FXR1: variants seen among roughly 807,000 people sequenced by gnomAD.
FXR1 encodes RNA-binding protein FXR1.
In FXR1, 15 loss-of-function variants were observed where a neutral mutation model predicts 84.0. The ratio of observed to expected loss-of-function variants is 0.18; its 90% CI spans 0.12 to 0.27. The LOEUF (loss-of-function observed/expected upper bound fraction) is 0.27, where lower values mean the gene tolerates loss of function less well. FXR1 is among the 10% of genes least tolerant of loss of function. FXR1 has a pLI of 1.00. For synonymous variants in FXR1, 245 were observed against 250.7 expected (o/e 0.98, Z 0.21); for missense variants, 480 against 774.4 (o/e 0.62, Z 4.51).
chr3:180,925,235 C>T (rs1719030968), intron 1 of FXR1, among the ~76,000 whole-genome samples: 1 of 152,006 alleles, frequency 6.6e-6, no homozygotes, highest in African/African-American at 2.4e-5. Flanking sequence ...GTGGCACGTG[C>T]CTCTAGTCCC....
intron 1 of FXR1, among the ~76,000 whole-genome samples, chr3:180,918,282 G>C (rs564993408): frequency 3.9e-5 from 6 of 152,122 alleles, no homozygotes; most frequent in Non-Finnish European, 8.8e-5. Context: ...CAAGAACTCT[G>C]TGAGGTTGGT....
At chr3:180,927,332 TTAAAATGAGTGCTCTTA>T (rs1300250021) in intron 1 of FXR1, among the ~76,000 whole-genome samples, 3 of 152,088 alleles carry the variant, frequency 2.0e-5, no homozygotes, top group Admixed American at 6.6e-5. Context: ...CTTTCCTTCT[TTAAAATGAGTGCTCTTA>T]TAAAATGAGT....
intron 9 of FXR1, among the ~76,000 whole-genome samples, chr3:180,955,507 A>G (rs1722664523): frequency 6.6e-6 from 1 of 152,172 alleles, no homozygotes; most frequent in Non-Finnish European, 1.5e-5. Flanking sequence ...CAATGTTATC[A>G]AATGTTTATC....
intron 3 of FXR1, among the ~76,000 whole-genome samples, chr3:180,942,002 G>GA (rs1276590650): frequency 6.6e-6 from 1 of 151,972 alleles, no homozygotes; most frequent in Non-Finnish European, 1.5e-5. Context: ...AATTTCTTTG[G>GA]AAAAATGGAA....
chr3:180,940,120 A>G (rs1720960391), intron 3 of FXR1, among the ~76,000 whole-genome samples: 1 of 152,240 alleles, frequency 6.6e-6, no homozygotes, highest in African/African-American at 2.4e-5. Flanking sequence ...AAGACAACAT[A>G]TGATTTATAG....
At chr3:180,944,001 C>G (rs1721419293) in intron 3 of FXR1, among the ~76,000 whole-genome samples, 3 of 152,022 alleles carry the variant, frequency 2.0e-5, no homozygotes, top group Admixed American at 2.0e-4. Flanking sequence ...ACCGCAGCCT[C>G]CGCCTCCCAG....
At chr3:180,929,547 T>A (rs542339420) in intron 1 of FXR1, among the ~76,000 whole-genome samples, 2 of 152,088 alleles carry the variant, frequency 1.3e-5, no homozygotes, top group East Asian at 3.9e-4. Context: ...CTGAGCCAGG[T>A]GGGTGTGAAT....
intron 9 of FXR1, among the ~76,000 whole-genome samples, chr3:180,954,987 A>ATTT (rs35677270): frequency 6.0e-4 from 79 of 132,690 alleles, no homozygotes; most frequent in Middle Eastern, 4.2e-3. Flanking sequence ...GTAAAAATAA[A>ATTT]TTTTTTTTTT....
At chr3:180,975,770 A>T (rs1250745698) in intron 16 of FXR1, among the ~76,000 whole-genome samples, 1 of 152,144 alleles carries the variant, frequency 6.6e-6, no homozygotes, top group Admixed American at 6.5e-5. Flanking sequence ...TGTAAATGTG[A>T]TTTCTCAAAA....
chr3:180,916,698 C>T (rs1189093681), intron 1 of FXR1, among the ~76,000 whole-genome samples: 4 of 152,158 alleles, frequency 2.6e-5, no homozygotes, highest in South Asian at 4.1e-4. Context: ...TGAGCCACCA[C>T]GCCCGACCAT....
At chr3:180,957,720 T>C in intron 9 of FXR1, 99 bp from the exon 10 acceptor site, 1 of 604,234 alleles carries the variant, frequency 1.7e-6, no homozygotes, top group Non-Finnish European at 3.0e-6. Context: ...ACTTGATGGT[T>C]GTAATTTAGT....
At chr3:180,976,072 C>G (rs371309803) in intron 16 of FXR1, 50 bp from the exon 17 acceptor site, 36 of 1,455,868 alleles carry the variant, frequency 2.5e-5, no homozygotes, top group Non-Finnish European at 3.4e-5. Flanking sequence ...TCCTCCTCAG[C>G]TATAGATTTC....
chr3:180,949,395 T>G (rs1378419739), intron 7 of FXR1, 52 bp downstream of exon 7: 3 of 913,970 alleles, frequency 3.3e-6, no homozygotes, highest in Non-Finnish European at 5.5e-6. Context: ...TAGTTTTTGT[T>G]TGTTTTTTGG....
intron 1 of FXR1, 70 bp from the exon 2 acceptor site, chr3:180,933,264 C>G (rs1471213371): frequency 1.1e-6 from 1 of 885,062 alleles, no homozygotes; most frequent in Non-Finnish European, 1.9e-6. Flanking sequence ...TATCTTTGAA[C>G]TAATACAACC....
intron 1 of FXR1, chr3:180,915,665 AC>A (rs924278649): frequency 2.8e-6 from 2 of 703,606 alleles, no homozygotes; most frequent in African/African-American, 1.8e-5. Context: ...CCCTCCTCTT[AC>A]CCCGTATAGG....
intron 9 of FXR1, among the ~76,000 whole-genome samples, chr3:180,955,053 G>C (rs983796233): frequency 6.7e-6 from 1 of 149,552 alleles, no homozygotes; most frequent in African/African-American, 2.5e-5. Context: ...CAGTTGCAGC[G>C]ATGCAATCTC....
At chr3:180,942,692 G>C (rs944344367) in intron 3 of FXR1, among the ~76,000 whole-genome samples, 1 of 152,154 alleles carries the variant, frequency 6.6e-6, no homozygotes, top group African/African-American at 2.4e-5. Flanking sequence ...CTGGATTTTA[G>C]TATGTTAGAG....
chr3:180,943,154 A>T (rs895655050), intron 3 of FXR1, among the ~76,000 whole-genome samples: 2 of 150,236 alleles, frequency 1.3e-5, no homozygotes, highest in Non-Finnish European at 3.0e-5. Context: ...TTTAGTAGAG[A>T]CGGGGTTTCA....
At chr3:180,921,560 C>T (rs1337753764) in intron 1 of FXR1, among the ~76,000 whole-genome samples, 2 of 152,002 alleles carry the variant, frequency 1.3e-5, no homozygotes, top group East Asian at 1.9e-4. Context: ...ATTGCAGTAG[C>T]AGCCTTGACT....
Sources: gnomAD v4.1 joint callset for allele counts (sites outside exome capture counted in the v4.1 genomes callset) on GRCh38, gnomAD v4.1.1 for gene constraint, MANE v1.5 for transcripts, NCBI Gene and HGNC (gene_info 2026-07-23, HGNC 2026-07-21) for gene names.